Variants in ANKRD28 observed in about 807,000 individuals in gnomAD.
The protein encoded by ANKRD28 is ankyrin repeat domain 28, also known as serine/threonine-protein phosphatase 6 regulatory ankyrin repeat subunit A.
In ANKRD28, 44 loss-of-function variants were observed where a neutral mutation model predicts 126.5. The observed-to-expected ratio is 0.35, with a 90% CI of 0.27 to 0.45. The LOEUF (loss-of-function observed/expected upper bound fraction) is 0.45, where lower values mean the gene tolerates loss of function less well. Ranked by LOEUF, ANKRD28 falls within the 20% of genes least tolerant of loss-of-function variation. The pLI, the probability that ANKRD28 is intolerant of heterozygous loss-of-function variation, is 1.00. For synonymous variants in ANKRD28, 442 were observed against 468.5 expected (o/e 0.94, Z 0.73); for missense variants, 1,110 against 1,316.6 (o/e 0.84, Z 2.43).
chr3:15,719,451 C>T (rs1434835097), intron 8 of ANKRD28, among the ~76,000 whole-genome samples: 1 of 152,078 alleles, frequency 6.6e-6, no homozygotes, highest in Non-Finnish European at 1.5e-5. Context: ...ACAGAAACAA[C>T]TAACGAATTC....
At chr3:15,702,588 A>C (rs765766638) in intron 14 of ANKRD28, among the ~76,000 whole-genome samples, 2 of 152,182 alleles carry the variant, frequency 1.3e-5, no homozygotes, top group African/African-American at 2.4e-5. Flanking sequence ...TTAAAATCGG[A>C]ATGCATTTCA....
At chr3:15,723,568 G>C (rs1291668271) in intron 7 of ANKRD28, among the ~76,000 whole-genome samples, 1 of 152,142 alleles carries the variant, frequency 6.6e-6, no homozygotes, top group African/African-American at 2.4e-5. Flanking sequence ...CAAGGCAGGA[G>C]GGTCACTTGA....
At chr3:15,695,092 A>C (rs1429687684) in intron 16 of ANKRD28, 96 bp downstream of exon 16, 1 of 1,028,400 alleles carries the variant, frequency 9.7e-7, no homozygotes, top group African/African-American at 1.6e-5. Context: ...ATATGTAAAA[A>C]CACTTTCAGC....
intron 8 of ANKRD28, among the ~76,000 whole-genome samples, chr3:15,716,075 C>T (rs187496190): frequency 3.6e-4 from 54 of 151,414 alleles, no homozygotes; most frequent in Admixed American, 1.3e-3. Flanking sequence ...CTCCGCCTCC[C>T]GGGTTCAAGT....
intron 18 of ANKRD28, among the ~76,000 whole-genome samples, chr3:15,688,927 T>C (rs1201618260): frequency 2.0e-5 from 3 of 152,238 alleles, no homozygotes; most frequent in African/African-American, 7.2e-5. Context: ...GTATCACTTG[T>C]TAAATGAAAG....
intron 4 of ANKRD28, among the ~76,000 whole-genome samples, chr3:15,743,372 AAAC>A (rs1265834853): frequency 2.4e-4 from 36 of 148,264 alleles, no homozygotes; most frequent in African/African-American, 6.4e-4. Context: ...ACAAACAAAC[AAAC>A]AAAAAAAAAC....
chr3:15,807,609 T>C (rs1168193408), intron 1 of ANKRD28, among the ~76,000 whole-genome samples: 1 of 152,204 alleles, frequency 6.6e-6, no homozygotes, highest in African/African-American at 2.4e-5. Flanking sequence ...GGCTAATTAC[T>C]AGACACTGGG....
At chr3:15,735,342 G>T (rs1457139931) in intron 6 of ANKRD28, 68 bp downstream of exon 6, 12 of 1,291,346 alleles carry the variant, frequency 9.3e-6, no homozygotes, top group Non-Finnish European at 1.3e-5. Context: ...TATACAAACA[G>T]CAAGAACTTG....
chr3:15,760,792 A>G (rs1341208981), intron 3 of ANKRD28, among the ~76,000 whole-genome samples: 2 of 152,220 alleles, frequency 1.3e-5, no homozygotes, highest in Non-Finnish European at 2.9e-5. Flanking sequence ...ATGACTTAAA[A>G]TGGTCAAGAA....
chr3:15,822,500 A>C (rs999652578), intron 1 of ANKRD28, among the ~76,000 whole-genome samples: 1 of 152,268 alleles, frequency 6.6e-6, no homozygotes, highest in Non-Finnish European at 1.5e-5. Flanking sequence ...TTGGCTCTCC[A>C]GCTACAATAT....
In ANKRD28 at chr3:15,796,551, T is replaced by C. The variant is rs756809978; in HGVS notation, c.-30A>G. The C allele has an allele frequency of 4.8e-5, 61 of 1,264,944 alleles. 2 individuals carry two copies. The South Asian group carries it at 7.3e-4, about 15-fold the overall frequency. 78.4% of individuals were successfully genotyped at this position (1,264,944 alleles called of 1,614,324 possible). A position where few individuals can be genotyped will look rare whatever the true frequency, so the allele number is the denominator to read the frequency against. ...TCTTTTAAAACACTAAATTCCAAGCTATGTGATAAAAGTCACAGTTGGAAG... is the reference window on the plus strand; with the variant it reads ...TCTTTTAAAACACTAAATTCCAAGCCATGTGATAAAAGTCACAGTTGGAAG... On this transcript the variant is annotated 5_prime_UTR_variant, in exon 1 of 28. It adds an upstream start codon to the 5' untranslated region. Transcript: ENST00000683139.
At chr3:15,796,346 C>T in intron 1 of ANKRD28, 59 bp downstream of exon 1, 1 of 1,008,324 alleles carries the variant, frequency 9.9e-7, no homozygotes, top group Non-Finnish European at 1.2e-6. Context: ...TCTTAAAAAA[C>T]AAGATTTATA....
chr3:15,743,529 T>G lies in ANKRD28; in HGVS notation c.352-6296A>C, dbSNP rs1231363777. Among the ~76,000 whole-genome samples the G allele has an allele frequency of 4.7e-5, 7 of 149,010 alleles. No individual in the cohort carries two copies. The East Asian group carries it at 1.4e-3, about 29-fold the overall frequency. On this transcript the variant is annotated intron_variant, in intron 4 of 27. Transcript: ENST00000683139. ...ATATAAGTCGTATGCTCTCCAGCAGTGCAGTGTGGCTTTTTAACACACACA... is the reference window on the plus strand; with the variant it reads ...ATATAAGTCGTATGCTCTCCAGCAGGGCAGTGTGGCTTTTTAACACACACA...
rs1455598240 is a variant in ANKRD28, at chr3:15,850,202, A to ATATATATATAT, written c.27+9174_27+9175insATATATATATA. Among the ~76,000 whole-genome samples, 130 of 54,978 alleles carry ATATATATATAT rather than the reference A, an allele frequency of 2.4e-3. 1 individual carries two copies. The highest frequency in any genetic ancestry group is 6.6e-3 in the East Asian group (17 of 2,572). 36.1% of individuals were successfully genotyped at this position (54,978 alleles called of 152,430 possible). ...TATCTACATGCAATAAAAAAAAAAA[A>ATATATATATAT]AAATATATATATATATATATATAGA... On this transcript the variant is annotated intron_variant, in intron 1 of 27. Transcript: ENST00000399451.
Position 15,686,302 on chromosome 3 carries a change from A to T in ANKRD28, c.1971T>A (p.Asn657Lys). Residue 657 changes from asparagine (N) to lysine (K), a missense_variant, in exon 19 of 28, where the codon AAT becomes AAA. Coordinates refer to ENST00000683139, the MANE Select transcript of ANKRD28 (RefSeq NM_001349278.2). ...KRTPIHAAAT[N>K]GHSECLRLLI... is the part of the protein sequence containing the mutation. ...ATAGCCGTAAGCATTCTGAATGACC[A>T]TTTGTTGCTGTAAAGTGAAATTTAA... The T allele has an allele frequency of 6.3e-7, 1 of 1,578,242 alleles. No homozygotes were observed. The highest frequency in any genetic ancestry group is 8.6e-7 in the Non-Finnish European group (1 of 1,159,656).
intron 14 of ANKRD28, chr3:15,697,507 T>A (rs1045877368): frequency 4.7e-4 from 71 of 152,000 alleles, no homozygotes; most frequent in African/African-American, 1.7e-3. Flanking sequence ...TAATCATGTG[T>A]TTGTTTTTTT....
chr3:15,720,945 T>G lies in ANKRD28; in HGVS notation c.966A>C (p.Leu322=). The G allele has an allele frequency of 6.2e-6, 10 of 1,613,790 alleles. No homozygotes were observed. The highest frequency in any genetic ancestry group is 8.5e-6 in the Non-Finnish European group (10 of 1,179,780). ...TATTGACATCGGCCCCATTGCCAAC[T>G]AGAAGCTCTAAACACAATGCTCCAT... ...STHGALCLEL[L]VGNGADVNMK... is the part of the protein sequence containing the mutation. Residue 322 remains leucine (L), a synonymous_variant, in exon 8 of 28, where the codon CTA becomes CTC. Coordinates refer to ENST00000683139, the MANE Select transcript of ANKRD28 (RefSeq NM_001349278.2).
intron 1 of ANKRD28, among the ~76,000 whole-genome samples, chr3:15,848,772 G>C (rs896301677): frequency 1.3e-5 from 2 of 152,000 alleles, no homozygotes; most frequent in Admixed American, 6.6e-5. Flanking sequence ...AAAACCAACA[G>C]CTACATCATA....
chr3:15,713,117 A>G (rs2072544892), intron 10 of ANKRD28, among the ~76,000 whole-genome samples: 1 of 152,180 alleles, frequency 6.6e-6, no homozygotes, highest in Non-Finnish European at 1.5e-5. Flanking sequence ...ACTCCTTCGT[A>G]GGATTCCAAG....
Sources: allele counts gnomAD v4.1 joint callset (sites outside exome capture counted in the v4.1 genomes callset), GRCh38; gene constraint gnomAD v4.1.1; transcripts MANE v1.5; gene names NCBI Gene and HGNC (gene_info 2026-07-23, HGNC 2026-07-21).